The following ITSN2 variants were observed in gnomAD, a reference collection of about 807,000 sequenced individuals.
The protein encoded by ITSN2 is intersectin 2, also known as intersectin-2.
A neutral mutation model predicts 243.7 loss-of-function variants in ITSN2; 156 were observed. That is an observed-to-expected ratio of 0.64 (90% CI 0.56 to 0.73). ITSN2 has a LOEUF of 0.73. Among genes scored for constraint, ITSN2 ranks in the 30% least tolerant of loss-of-function variants. The pLI, the probability that ITSN2 is intolerant of heterozygous loss-of-function variation, is 0.00. For missense variants in ITSN2, 1,801 were observed against 1,996.1 expected, an observed-to-expected ratio of 0.90 and a Z score of 1.86; for synonymous variants, 703 against 699.9, an observed-to-expected ratio of 1.00 and a Z score of -0.07.
rs1185620233 is a variant in ITSN2, at chr2:24,234,751, A to T, written c.3577+11378T>A. On this transcript the variant is annotated intron_variant, in intron 29 of 39. Coordinates refer to ENST00000355123, the MANE Select transcript of ITSN2 (RefSeq NM_006277.3). ...ATAAGCATATAAAAAGATGCTTTGCATCATACGTTGTTGGGAAAATGCAAA... is the reference window on the plus strand; with the variant it reads ...ATAAGCATATAAAAAGATGCTTTGCTTCATACGTTGTTGGGAAAATGCAAA... 2.0e-5 allele frequency among the ~76,000 whole-genome samples: 3 copies of T among 152,374 alleles called. No individual in the cohort carries two copies. The South Asian group carries it at 6.2e-4, about 32-fold the overall frequency.
At position 24,221,065 on chromosome 2, in the gene ITSN2, C is replaced by A. The variant is rs901515281; in HGVS notation, c.3579G>T (p.Trp1193Cys). ...MTTDSDPSQQWCADLQTLDTM... is the reference protein window; with the variant it reads ...MTTDSDPSQQCCADLQTLDTM... Reference sequence around the variant, plus strand: ...TGTCCAGGGTTTGCAGATCAGCACACCCTGTGGAAAAAACAGGGTAGTTTA... The same window carrying A: ...TGTCCAGGGTTTGCAGATCAGCACAACCTGTGGAAAAAACAGGGTAGTTTA... Residue 1193 changes from tryptophan to cysteine, a missense_variant and splice_region_variant, in exon 30 of 40, where the codon TGG becomes TGT. By Grantham distance (215) the Trp-to-Cys change is radical. Transcript: ENST00000355123. The A allele has an allele frequency of 6.3e-7, 1 of 1,598,286 alleles. No individual in the cohort carries two copies. Among genetic ancestry groups the A allele is most frequent in the African/African-American group, 1.4e-5 (1 of 73,874 alleles).
intron 8 of ITSN2, among the ~76,000 whole-genome samples, chr2:24,307,123 C>G (rs776641342): frequency 3.2e-4 from 49 of 152,018 alleles, no homozygotes; most frequent in Non-Finnish European, 5.4e-4. Context: ...TTTTTAAATG[C>G]AAAATGTAGG....
chr2:24,296,401 A>G (rs1342655532), intron 13 of ITSN2, among the ~76,000 whole-genome samples: 1 of 152,200 alleles, frequency 6.6e-6, no homozygotes. Context: ...CAAAATTCAT[A>G]TGTTAAAGTC....
chr2:24,305,319 T>G (rs1308202200), intron 8 of ITSN2, among the ~76,000 whole-genome samples: 1 of 151,982 alleles, frequency 6.6e-6, no homozygotes, highest in African/African-American at 2.4e-5. Flanking sequence ...AACAGACCAG[T>G]GGACAGGCGC....
intron 1 of ITSN2, among the ~76,000 whole-genome samples, chr2:24,343,034 T>C (rs1687188567): frequency 6.8e-6 from 1 of 148,104 alleles, no homozygotes; most frequent in Non-Finnish European, 1.5e-5. Flanking sequence ...GGGGTTGCAG[T>C]GAGTCAAGAT....
At chr2:24,255,323 T>G (rs1674872703) in intron 23 of ITSN2, among the ~76,000 whole-genome samples, 1 of 152,238 alleles carries the variant, frequency 6.6e-6, no homozygotes, top group Non-Finnish European at 1.5e-5. Flanking sequence ...TTACTGTTAT[T>G]ATATTCTTCT....
At chr2:24,275,659 C>T in intron 18 of ITSN2, 54 bp downstream of exon 18, 2 of 1,440,248 alleles carry the variant, frequency 1.4e-6, no homozygotes, top group East Asian at 2.3e-5. Context: ...ATATGAGCAA[C>T]AAAATTACAA....
chr2:24,318,585 G>A (rs1344444975), intron 2 of ITSN2, among the ~76,000 whole-genome samples: 1 of 152,164 alleles, frequency 6.6e-6, no homozygotes, highest in Non-Finnish European at 1.5e-5. Flanking sequence ...CTCCAGAAAG[G>A]ATTCATTGCT....
chr2:24,261,610 CCTT>C lies in ITSN2; in HGVS notation c.2485_2487del (p.Lys829del), dbSNP rs772715818. 6.8e-6 allele frequency: 11 copies of C among 1,613,608 alleles called. No individual in the cohort carries two copies. Among genetic ancestry groups the C allele is most frequent in the Non-Finnish European group, 9.3e-6 (11 of 1,179,702 alleles). ...AAAGAAACTGTAGGAGGAAGTAAGG[CCTT>C]CTTTGGAGATACAGCTTTTTCATTT... On this transcript the variant is annotated inframe_deletion, in exon 21 of 40. Coordinates refer to ENST00000355123, the MANE Select transcript of ITSN2 (RefSeq NM_006277.3).
In ITSN2 at chr2:24,257,930, G is replaced by A; in HGVS notation, c.2846C>T (p.Ser949Phe). The A allele has an allele frequency of 6.2e-7, 1 of 1,613,980 alleles. No homozygotes were observed. Among genetic ancestry groups the A allele is most frequent in the Non-Finnish European group, 8.5e-7 (1 of 1,179,938 alleles). ...ACTCCCAGGAATGATCTTGACATAA[G>A]ATTTGGGAAACCATCCTCTTCCTCC... ...VHGGRGWFPK[S>F]YVKIIPGSEV... The change falls in exon 23 of 40, where the codon TCT (serine) becomes TTT (phenylalanine). Residue 949 changes from serine (S) to phenylalanine (F), a missense_variant. Ser to Phe is a radical substitution (Grantham distance 155, BLOSUM62 -2). This residue lies in a region of ITSN2 where 928 missense variants were observed against 1,065.4 expected (regional missense o/e 0.87). Transcript: ENST00000355123.
chr2:24,315,940 A>T (rs1197016495), intron 2 of ITSN2, among the ~76,000 whole-genome samples: 1 of 152,220 alleles, frequency 6.6e-6, no homozygotes, highest in East Asian at 1.9e-4. Context: ...AAACAGACTA[A>T]TACAGATACC....
chr2:24,257,104 C>T (rs1299312088), intron 23 of ITSN2, among the ~76,000 whole-genome samples: 1 of 152,070 alleles, frequency 6.6e-6, no homozygotes, highest in Non-Finnish European at 1.5e-5. Flanking sequence ...ATCGCTTGAG[C>T]CCAGGAGTTT....
intron 1 of ITSN2, among the ~76,000 whole-genome samples, chr2:24,340,916 A>C (rs1459697279): frequency 6.6e-6 from 1 of 152,158 alleles, no homozygotes; most frequent in Non-Finnish European, 1.5e-5. Context: ...AGAGGAAGAC[A>C]ACTCTGACAA....
At chr2:24,230,543 G>A (rs1268646312) in intron 29 of ITSN2, among the ~76,000 whole-genome samples, 1 of 152,146 alleles carries the variant, frequency 6.6e-6, no homozygotes, top group African/African-American at 2.4e-5. Flanking sequence ...CGAGGTGGGT[G>A]GATCACCTGA....
At chr2:24,335,839 T>C (rs912572550) in intron 1 of ITSN2, among the ~76,000 whole-genome samples, 2 of 150,418 alleles carry the variant, frequency 1.3e-5, no homozygotes, top group Non-Finnish European at 3.0e-5. Flanking sequence ...GGTTTCGCCA[T>C]GTTGGCCAGG....
Position 24,300,083 on chromosome 2 carries a change from T to C in ITSN2, c.1170A>G (p.Gln390=). 3 of 1,614,144 alleles carry C rather than the reference T, an allele frequency of 1.9e-6. No individual in the cohort carries two copies. Among genetic ancestry groups the C allele is most frequent in the South Asian group, 1.1e-5 (1 of 91,078 alleles). ...KRRQALMEQQ[Q]REAERKAQKE... ...TCTGGGCTTTACGTTCTGCCTCCCT[T>C]TGTTGCTGCTCCATCAAGGCTTGGC... The change falls in exon 12 of 40, where the codon CAA becomes CAG. Residue 390 remains glutamine (Q), a synonymous_variant. Transcript: ENST00000355123.
chr2:24,252,402 A>G lies in ITSN2; in HGVS notation c.3063T>C (p.Ser1021=). The G allele has an allele frequency of 6.2e-7, 1 of 1,613,202 alleles. No individual in the cohort carries two copies. Among genetic ancestry groups the G allele is most frequent in the Non-Finnish European group, 8.5e-7 (1 of 1,179,318 alleles). ...TQKDGEWWTG[S]IGDRSGIFPS... is the part of the protein sequence containing the mutation. Reference sequence around the variant, plus strand: ...GAAAAATTCCACTTCTATCTCCAATACTTCCTGTCCACCACTCTCCATCTT... The same window carrying G: ...GAAAAATTCCACTTCTATCTCCAATGCTTCCTGTCCACCACTCTCCATCTT... Residue 1021 remains serine (S), a synonymous_variant, in exon 25 of 40, where the codon AGT becomes AGC. Transcript: ENST00000355123.
chr2:24,261,042 T>C, intron 22 of ITSN2, 64 bp downstream of exon 22: 1 of 1,445,974 alleles, frequency 6.9e-7, no homozygotes, highest in East Asian at 2.3e-5. Context: ...TATATAATTT[T>C]CATTCTATTT....
At chr2:24,336,623 C>T (rs1336957065) in intron 1 of ITSN2, among the ~76,000 whole-genome samples, 1 of 152,186 alleles carries the variant, frequency 6.6e-6, no homozygotes, top group African/African-American at 2.4e-5. Context: ...CTTTCTTCTC[C>T]TTCTTTGATT....
Sources: gnomAD v4.1 joint callset for allele counts (sites outside exome capture counted in the v4.1 genomes callset) on GRCh38, gnomAD v4.1.1 for gene constraint, gnomAD v4.1.1 regional missense constraint, MANE v1.5 for transcripts, NCBI Gene and HGNC (gene_info 2026-07-23, HGNC 2026-07-21) for gene names.